DCDC1: variants seen among roughly 807,000 people sequenced by gnomAD.
The protein encoded by DCDC1 is doublecortin domain containing 1.
A neutral mutation model predicts 178.3 loss-of-function variants in DCDC1; 200 were observed. The ratio of observed to expected loss-of-function variants is 1.12; its 90% CI spans 1.00 to 1.26. The LOEUF is 1.26. Among genes scored for constraint, DCDC1 ranks in the 50% most tolerant of loss-of-function variants. The pLI, the probability that DCDC1 is intolerant of heterozygous loss-of-function variation, is 0.00. For missense variants in DCDC1, 1,983 were observed against 1,749.2 expected, an observed-to-expected ratio of 1.13 and a Z score of -2.38; for synonymous variants, 690 against 604.8, an observed-to-expected ratio of 1.14 and a Z score of -2.07.
rs542509879 is a variant in DCDC1 at position 31,297,277 on chromosome 11, G to A, written c.755-6425C>T. On this transcript the variant is annotated intron_variant, in intron 6 of 38. Coordinates refer to ENST00000684477, the MANE Select transcript of DCDC1 (RefSeq NM_001387274.1). The stretch of plus-strand genomic sequence containing the variant: ...TAGTGAGGGGACTGTAGGGTATGTG[G>A]GGCAGGGAGCCAAGCAATTCAAACA... 3.3e-5 allele frequency among the ~76,000 whole-genome samples: 5 copies of A among 152,226 alleles called. No homozygotes were observed. In the South Asian group the frequency reaches 1.0e-3, roughly 32 times the overall value.
intron 9 of DCDC1, among the ~76,000 whole-genome samples, chr11:31,169,004 T>C (rs140640201): frequency 4.3e-4 from 65 of 152,146 alleles, no homozygotes; most frequent in Non-Finnish European, 5.6e-4. Flanking sequence ...CAATGATAGA[T>C]TGGATAAAGA....
At chr11:30,940,421 G>C (rs1947558503) in intron 21 of DCDC1, among the ~76,000 whole-genome samples, 1 of 152,052 alleles carries the variant, frequency 6.6e-6, no homozygotes, top group Non-Finnish European at 1.5e-5. Context: ...ATACACGGTT[G>C]TGTTTCTTTC....
chr11:31,222,786 A>G (rs775286114), intron 9 of DCDC1, among the ~76,000 whole-genome samples: 2 of 151,996 alleles, frequency 1.3e-5, no homozygotes, highest in Non-Finnish European at 1.5e-5. Context: ...TAGTAATTCT[A>G]TTGGATCAGG....
intron 20 of DCDC1, among the ~76,000 whole-genome samples, chr11:31,032,545 A>C (rs1590820226): frequency 6.6e-6 from 1 of 151,128 alleles, no homozygotes; most frequent in Non-Finnish European, 1.5e-5. Context: ...ACATACATAC[A>C]TATGCCTCAG....
chr11:30,952,217 T>C (rs1398618625), intron 21 of DCDC1, among the ~76,000 whole-genome samples: 1 of 152,132 alleles, frequency 6.6e-6, no homozygotes, highest in African/African-American at 2.4e-5. Context: ...TCTCAAAATA[T>C]ATGAAGCAAT....
intron 20 of DCDC1, among the ~76,000 whole-genome samples, chr11:31,032,311 T>C (rs1953703713): frequency 6.6e-6 from 1 of 152,196 alleles, no homozygotes; most frequent in South Asian, 2.1e-4. Flanking sequence ...ACATTTTAAG[T>C]ACTAATATTA....
At chr11:30,992,188 A>C (rs1291209980) in intron 20 of DCDC1, among the ~76,000 whole-genome samples, 2 of 152,220 alleles carry the variant, frequency 1.3e-5, no homozygotes, top group Non-Finnish European at 2.9e-5. Context: ...CTAACAAGTC[A>C]TTTTAAAAGA....
chr11:31,062,414 T>C (rs1955983557), intron 20 of DCDC1, among the ~76,000 whole-genome samples: 1 of 152,120 alleles, frequency 6.6e-6, no homozygotes. Flanking sequence ...ATTCTAGTGA[T>C]GTGAGAATAG....
chr11:31,020,450 G>T (rs1440371424), intron 20 of DCDC1, among the ~76,000 whole-genome samples: 1 of 152,076 alleles, frequency 6.6e-6, no homozygotes, highest in Non-Finnish European at 1.5e-5. Flanking sequence ...AGATAGAGAT[G>T]TTTGTCTTAA....
intron 20 of DCDC1, among the ~76,000 whole-genome samples, chr11:31,029,686 T>C (rs1159318068): frequency 6.6e-6 from 1 of 152,184 alleles, no homozygotes; most frequent in African/African-American, 2.4e-5. Flanking sequence ...ATCAAGTCTC[T>C]AAGCCACATG....
intron 11 of DCDC1, among the ~76,000 whole-genome samples, chr11:31,115,518 T>C (rs900676172): frequency 6.6e-6 from 1 of 152,040 alleles, no homozygotes; most frequent in South Asian, 2.1e-4. Flanking sequence ...CCAAAGTTGG[T>C]TGGGTGTACT....
chr11:30,969,947 C>A (rs927711320), intron 20 of DCDC1, among the ~76,000 whole-genome samples: 1 of 152,026 alleles, frequency 6.6e-6, no homozygotes, highest in Non-Finnish European at 1.5e-5. Flanking sequence ...AAAGAAGAAC[C>A]AAAATAGTGG....
At chr11:31,124,874 G>T (rs1431326504) in intron 11 of DCDC1, among the ~76,000 whole-genome samples, 2 of 152,156 alleles carry the variant, frequency 1.3e-5, no homozygotes, top group Non-Finnish European at 2.9e-5. Flanking sequence ...CATGGGCAAA[G>T]ATTTTATGAT....
chr11:31,145,457 C>T (rs758156047), intron 9 of DCDC1, among the ~76,000 whole-genome samples: 32 of 152,184 alleles, frequency 2.1e-4, no homozygotes, highest in Non-Finnish European at 4.1e-4. Flanking sequence ...ACATCATGCC[C>T]AGCTTAAGCG....
At chr11:31,187,302 G>A (rs557949961) in intron 9 of DCDC1, among the ~76,000 whole-genome samples, 4 of 152,234 alleles carry the variant, frequency 2.6e-5, no homozygotes, top group South Asian at 2.1e-4. Context: ...AGATTTAATG[G>A]AACTAACTCT....
In DCDC1 at chr11:30,865,315, T is replaced by C. The variant is rs1234794374; in HGVS notation, c.*58A>G. ...TCACAGTCTTCTGTTTATAAGTGGG[T>C]AAAGAAAGTTTTCTTTCCTGTAAGG... is the stretch of plus-strand genomic sequence containing the variant. On this transcript the variant is annotated 3_prime_UTR_variant, in exon 39 of 39. Coordinates refer to ENST00000684477, the MANE Select transcript of DCDC1 (RefSeq NM_001387274.1). 7 of 152,192 alleles carry C rather than the reference T, an allele frequency of 4.6e-5. No individual in the cohort carries two copies. The East Asian group carries it at 7.7e-4, about 17-fold the overall frequency. The allele number at this position is 152,192 out of a possible 1,614,324, so 9.4% of individuals were successfully genotyped here.
At chr11:31,087,354 G>T (rs562788375) in intron 17 of DCDC1, among the ~76,000 whole-genome samples, 1 of 150,706 alleles carries the variant, frequency 6.6e-6, no homozygotes, top group African/African-American at 2.4e-5. Context: ...CTATTTTACT[G>T]ATTTCCACTC....
chr11:31,330,728 G>A (rs1949931618), intron 2 of DCDC1, among the ~76,000 whole-genome samples: 1 of 152,118 alleles, frequency 6.6e-6, no homozygotes. Context: ...TGTTACTTCT[G>A]AGGCCTCTGT....
intron 20 of DCDC1, among the ~76,000 whole-genome samples, chr11:31,059,710 T>C (rs1467192112): frequency 6.6e-6 from 1 of 152,068 alleles, no homozygotes; most frequent in Non-Finnish European, 1.5e-5. Context: ...GTGAGTTCAC[T>C]AGCTCTACAA....
Sources: allele counts gnomAD v4.1 joint callset (sites outside exome capture counted in the v4.1 genomes callset), GRCh38; gene constraint gnomAD v4.1.1; transcripts MANE v1.5; gene names NCBI Gene and HGNC (gene_info 2026-07-23, HGNC 2026-07-21).